The following ROBO2 variants were observed in gnomAD, a reference collection of about 807,000 sequenced individuals.
ROBO2 encodes roundabout guidance receptor 2, also known as roundabout homolog 2.
Under a neutral mutation model 160.8 loss-of-function variants are expected in ROBO2, and 53 were observed. That is an observed-to-expected ratio of 0.33 (90% CI 0.26 to 0.41). ROBO2 has a LOEUF of 0.41. Among genes scored for constraint, ROBO2 ranks in the 10% least tolerant of loss-of-function variants. The probability of loss-of-function intolerance (pLI) is 1.00; values close to 1 mark genes in which losing one functional copy is unlikely to be tolerated. For missense variants in ROBO2, 1,577 were observed against 1,722.4 expected, an observed-to-expected ratio of 0.92 and a Z score of 1.49; for synonymous variants, 664 against 611.7, an observed-to-expected ratio of 1.09 and a Z score of -1.26.
At chr3:76,479,007 T>G (rs1283055380) in intron 2 of ROBO2, among the ~76,000 whole-genome samples, 3 of 152,094 alleles carry the variant, frequency 2.0e-5, no homozygotes, top group Non-Finnish European at 4.4e-5. Context: ...AAAACAGAGA[T>G]ATAGTAACTT....
intron 2 of ROBO2, among the ~76,000 whole-genome samples, chr3:77,126,014 A>T (rs923257497): frequency 1.1e-4 from 17 of 152,340 alleles, no homozygotes; most frequent in African/African-American, 3.1e-4. Context: ...GATTGCACAC[A>T]TTTGACCCTA....
At chr3:77,540,580 G>T (rs2092415142) in intron 6 of ROBO2, among the ~76,000 whole-genome samples, 1 of 151,994 alleles carries the variant, frequency 6.6e-6, no homozygotes, top group East Asian at 2.0e-4. Flanking sequence ...GGCAGTGGGG[G>T]CGCGCAGGGG....
At chr3:77,574,439 T>A in intron 13 of ROBO2, 60 bp from the exon 15 acceptor site, 1 of 1,398,684 alleles carries the variant, frequency 7.1e-7, no homozygotes. Context: ...GAGGACAAAT[T>A]CATTGTGTTG....
At chr3:76,666,481 G>A (rs573035658) in intron 2 of ROBO2, among the ~76,000 whole-genome samples, 2 of 152,138 alleles carry the variant, frequency 1.3e-5, no homozygotes, top group South Asian at 2.1e-4. Flanking sequence ...AAACATTAGT[G>A]AATTTGGGTT....
chr3:77,218,851 C>G (rs554601669), intron 2 of ROBO2, among the ~76,000 whole-genome samples: 60 of 152,334 alleles, frequency 3.9e-4, no homozygotes, highest in African/African-American at 1.4e-3. Context: ...CATTGACACT[C>G]TACATCCAGA....
At chr3:77,643,584 C>T (rs924916340) in intron 24 of ROBO2, among the ~76,000 whole-genome samples, 10 of 151,948 alleles carry the variant, frequency 6.6e-5, no homozygotes, top group Admixed American at 3.3e-4. Context: ...AGAGGTGTGG[C>T]GCGGGAGGTG....
chr3:77,357,023 C>T (rs2069231775), intron 2 of ROBO2, among the ~76,000 whole-genome samples: 1 of 152,060 alleles, frequency 6.6e-6, no homozygotes, highest in African/African-American at 2.4e-5. Context: ...AGGGTGCTAC[C>T]GTTGTGACCT....
At position 77,607,908 on chromosome 3, in the gene ROBO2, C is replaced by T. The variant is rs376267133; in HGVS notation, c.3247C>T (p.Pro1083Ser). 6.1e-5 allele frequency: 98 copies of T among 1,613,858 alleles called. No homozygotes were observed. The Middle Eastern group carries it at 2.1e-3, about 35-fold the overall frequency. Residue 1083 changes from proline to serine, a missense_variant, in exon 21 of 26, where the codon CCT becomes TCT. Transcript: ENST00000461745. ...ACCTCCCCCCCCAGTCCAGCCCCTT[C>T]CTGGCACGGAGCTGGAACACTATGC...
At chr3:77,454,118 G>A (rs1429223550) in intron 2 of ROBO2, among the ~76,000 whole-genome samples, 2 of 139,696 alleles carry the variant, frequency 1.4e-5, no homozygotes, top group Admixed American at 1.4e-4. Flanking sequence ...TCTTACTCTG[G>A]GCTTTTTTTT....
At chr3:77,439,246 A>G (rs1037080923) in intron 2 of ROBO2, among the ~76,000 whole-genome samples, 1 of 152,088 alleles carries the variant, frequency 6.6e-6, no homozygotes, top group Non-Finnish European at 1.5e-5. Flanking sequence ...AGAAGCAATT[A>G]GTATCTTAAT....
intron 2 of ROBO2, among the ~76,000 whole-genome samples, chr3:76,702,775 A>C (rs1373950615): frequency 6.6e-6 from 1 of 152,162 alleles, no homozygotes; most frequent in Non-Finnish European, 1.5e-5. Context: ...AAAAGGGAGG[A>C]AGGAGATAAA....
At chr3:75,971,715 G>T (rs986623207) in intron 2 of ROBO2, among the ~76,000 whole-genome samples, 1 of 151,402 alleles carries the variant, frequency 6.6e-6, no homozygotes, top group South Asian at 2.1e-4. Context: ...AGGCTACATG[G>T]CTAAATCAGA....
At chr3:76,356,568 A>G (rs1484615965) in intron 2 of ROBO2, among the ~76,000 whole-genome samples, 5 of 151,692 alleles carry the variant, frequency 3.3e-5, no homozygotes, top group African/African-American at 4.8e-5. Flanking sequence ...ACAATTATAT[A>G]AGGGTCAGGT....
chr3:76,907,714 G>A (rs1316574199), intron 2 of ROBO2, among the ~76,000 whole-genome samples: 1 of 152,118 alleles, frequency 6.6e-6, no homozygotes, highest in African/African-American at 2.4e-5. Context: ...AGAAATTTAT[G>A]TAATTGCTAC....
At chr3:76,793,722 C>G (rs2063513615) in intron 2 of ROBO2, among the ~76,000 whole-genome samples, 1 of 151,714 alleles carries the variant, frequency 6.6e-6, no homozygotes, top group Admixed American at 6.6e-5. Context: ...ATAGTGAATT[C>G]TTAATGAGTC....
At chr3:75,931,322 T>C (rs907073333) in intron 1 of ROBO2, among the ~76,000 whole-genome samples, 10 of 152,232 alleles carry the variant, frequency 6.6e-5, no homozygotes, top group Non-Finnish European at 1.2e-4. Context: ...AAGAAGTAGT[T>C]AGAATCTGTA....
chr3:75,969,972 G>C (rs185035651), intron 2 of ROBO2, among the ~76,000 whole-genome samples: 6 of 151,496 alleles, frequency 4.0e-5, no homozygotes, highest in Non-Finnish European at 5.9e-5. Flanking sequence ...CCAATATCAA[G>C]GAGTTGTTTT....
chr3:76,327,631 A>T (rs1196706897), intron 2 of ROBO2, among the ~76,000 whole-genome samples: 1 of 152,178 alleles, frequency 6.6e-6, no homozygotes, highest in African/African-American at 2.4e-5. Flanking sequence ...CTGCATAAAT[A>T]TAAACACTAA....
chr3:77,228,067 G>A (rs1421248433), intron 2 of ROBO2, among the ~76,000 whole-genome samples: 1 of 152,120 alleles, frequency 6.6e-6, no homozygotes, highest in East Asian at 1.9e-4. Flanking sequence ...TGATATAATT[G>A]ATCAAGCATA....
Sources: allele counts gnomAD v4.1 joint callset (sites outside exome capture counted in the v4.1 genomes callset), GRCh38; gene constraint gnomAD v4.1.1; transcripts MANE v1.5; gene names NCBI Gene and HGNC (gene_info 2026-07-23, HGNC 2026-07-21).